ATXN7L1: variants seen among roughly 807,000 people sequenced by gnomAD.
The protein encoded by ATXN7L1 is ataxin 7 like 1, also known as ataxin-7-like protein 1.
ATXN7L1 carries 15 observed loss-of-function variants against 70.8 expected under a neutral mutation model. The ratio of observed to expected loss-of-function variants is 0.21; its 90% CI spans 0.14 to 0.33. The LOEUF (loss-of-function observed/expected upper bound fraction) is 0.33, where lower values mean the gene tolerates loss of function less well. ATXN7L1 is among the 10% of genes least tolerant of loss of function. The probability of loss-of-function intolerance (pLI) is 1.00; values close to 1 mark genes in which losing one functional copy is unlikely to be tolerated. For synonymous variants in ATXN7L1, 440 were observed against 445.1 expected, an observed-to-expected ratio of 0.99 and a Z score of 0.14; for missense variants, 975 against 1,097.1, an observed-to-expected ratio of 0.89 and a Z score of 1.57.
chr7:105,638,757 T>C (rs1797731995), intron 6 of ATXN7L1, 148 bp from the exon 7 acceptor site: 1 of 1,077,946 alleles, frequency 9.3e-7, no homozygotes, highest in Admixed American at 2.9e-5. Context: ...GTTCTGTGGC[T>C]AGGAAGAGGC....
At chr7:105,751,234 G>A (rs1364863119) in intron 3 of ATXN7L1, among the ~76,000 whole-genome samples, 5 of 152,088 alleles carry the variant, frequency 3.3e-5, no homozygotes, top group Admixed American at 6.5e-5. Flanking sequence ...AGGGAGGTGG[G>A]AGTGTTATAA....
intron 3 of ATXN7L1, among the ~76,000 whole-genome samples, chr7:105,706,275 CCT>C (rs1374725437): frequency 7.1e-6 from 1 of 139,872 alleles, no homozygotes; most frequent in South Asian, 2.3e-4. Flanking sequence ...CCCACTGCAA[CCT>C]CTGCCTCCCG....
At chr7:105,715,978 C>T (rs1404999078) in intron 3 of ATXN7L1, among the ~76,000 whole-genome samples, 4 of 152,016 alleles carry the variant, frequency 2.6e-5, no homozygotes, top group African/African-American at 7.2e-5. Flanking sequence ...AAAAGGAACC[C>T]CTACCCTCCA....
chr7:105,611,174 C>T (rs1165193987), intron 10 of ATXN7L1, among the ~76,000 whole-genome samples: 2 of 152,204 alleles, frequency 1.3e-5, no homozygotes, highest in Admixed American at 6.5e-5. Flanking sequence ...GACAGGAACG[C>T]TATGCATGCG....
At chr7:105,819,735 C>T (rs975852988) in intron 2 of ATXN7L1, 4 of 784,486 alleles carry the variant, frequency 5.1e-6, no homozygotes, top group Non-Finnish European at 9.0e-6. Flanking sequence ...CACCTTCCGG[C>T]TGACCTCGAG....
chr7:105,833,486 G>A (rs573371264), intron 2 of ATXN7L1, among the ~76,000 whole-genome samples: 22 of 152,304 alleles, frequency 1.4e-4, no homozygotes, highest in African/African-American at 4.8e-4. Context: ...AGAATACAGC[G>A]AAGAAAATAA....
At chr7:105,786,920 G>C (rs1399952457) in intron 3 of ATXN7L1, among the ~76,000 whole-genome samples, 1 of 152,220 alleles carries the variant, frequency 6.6e-6, no homozygotes, top group African/African-American at 2.4e-5. Context: ...TATTCAGGAT[G>C]ATGTAGCCTC....
In ATXN7L1 at chr7:105,819,608, G is replaced by A; in HGVS notation, c.251-30900C>T. The A allele has an allele frequency of 2.3e-5, 21 of 901,276 alleles. 1 individual carries two copies. In the South Asian group the frequency reaches 2.5e-4, roughly 11 times the overall value. 55.8% of individuals were successfully genotyped at this position (901,276 alleles called of 1,614,324 possible). A position where few individuals can be genotyped will look rare whatever the true frequency, so the allele number is the denominator to read the frequency against. ...GGAAGGTGGAGGTCGTACGCTGTGAGGGCATCATCATTTCTGGCCATTTCT... is the reference window on the plus strand; with the variant it reads ...GGAAGGTGGAGGTCGTACGCTGTGAAGGCATCATCATTTCTGGCCATTTCT... On this transcript the variant is annotated intron_variant, in intron 2 of 11. Coordinates refer to ENST00000419735, the MANE Select transcript of ATXN7L1 (RefSeq NM_020725.2).
chr7:105,857,734 A>G (rs1053612013), intron 2 of ATXN7L1, among the ~76,000 whole-genome samples: 1 of 152,232 alleles, frequency 6.6e-6, no homozygotes, highest in Non-Finnish European at 1.5e-5. Context: ...CTCATGCTCT[A>G]CCAAGATTGG....
intron 4 of ATXN7L1, among the ~76,000 whole-genome samples, chr7:105,657,702 CAAAAA>C (rs71155465): frequency 7.7e-5 from 2 of 26,108 alleles, no homozygotes; most frequent in African/African-American, 1.7e-4. Context: ...GACCCTGTCT[CAAAAA>C]AAAAAAAAAA....
intron 6 of ATXN7L1, among the ~76,000 whole-genome samples, 196 bp from the exon 7 acceptor site, chr7:105,638,805 G>T (rs944476833): frequency 2.8e-4 from 43 of 152,238 alleles, no homozygotes; most frequent in African/African-American, 1.0e-3. Context: ...TACACTCCTG[G>T]TGTTAAGAAG....
At chr7:105,699,817 C>T (rs377559676) in intron 3 of ATXN7L1, among the ~76,000 whole-genome samples, 18 of 152,300 alleles carry the variant, frequency 1.2e-4, no homozygotes, top group South Asian at 2.1e-4. Flanking sequence ...TCAGCTTCCC[C>T]GCTTTCTGGC....
chr7:105,873,172 A>G (rs1040160300), intron 2 of ATXN7L1, among the ~76,000 whole-genome samples: 2 of 152,030 alleles, frequency 1.3e-5, no homozygotes, highest in African/African-American at 4.8e-5. Flanking sequence ...AAAACAAAAC[A>G]AAACAAAACA....
At chr7:105,690,805 T>C (rs1790692691) in intron 3 of ATXN7L1, among the ~76,000 whole-genome samples, 1 of 152,182 alleles carries the variant, frequency 6.6e-6, no homozygotes, top group Non-Finnish European at 1.5e-5. Context: ...AGCACGGCAA[T>C]TTTTAGCCAA....
chr7:105,795,396 T>C (rs796728090), intron 2 of ATXN7L1, among the ~76,000 whole-genome samples: 2 of 152,192 alleles, frequency 1.3e-5, no homozygotes, highest in African/African-American at 4.8e-5. Flanking sequence ...TGGTTACAGT[T>C]AAGGAAAAGG....
rs1462125950 is a variant in ATXN7L1 at position 105,727,777 on chromosome 7, T to TATATATACAC, written c.355+60826_355+60827insGTGTATATAT. Among the ~76,000 whole-genome samples, 229 of 90,154 alleles carry TATATATACAC rather than the reference T, an allele frequency of 2.5e-3. 2 individuals are homozygous for TATATATACAC. The highest frequency in any genetic ancestry group is 3.3e-3 in the Non-Finnish European group (167 of 51,006). The allele number at this position is 90,154 out of a possible 152,430, so 59.1% of individuals were successfully genotyped here. On this transcript the variant is annotated intron_variant, in intron 3 of 11. Coordinates refer to ENST00000419735, the MANE Select transcript of ATXN7L1 (RefSeq NM_020725.2). ...ATATATATATATATATATATATATA[T>TATATATACAC]ACACACACATACACACATATATATA...
At chr7:105,617,316 A>T (rs1277146496) in intron 9 of ATXN7L1, among the ~76,000 whole-genome samples, 1 of 152,146 alleles carries the variant, frequency 6.6e-6, no homozygotes, top group Non-Finnish European at 1.5e-5. Context: ...GAGCCACTGC[A>T]CCCGGCCTGA....
chr7:105,659,743 A>C (rs975846419), intron 4 of ATXN7L1, among the ~76,000 whole-genome samples: 2 of 151,994 alleles, frequency 1.3e-5, no homozygotes, highest in Middle Eastern at 3.4e-3. Flanking sequence ...TTCTCACACC[A>C]TATACCTCCC....
chr7:105,767,636 GTACTAT>G (rs1482903243), intron 3 of ATXN7L1, among the ~76,000 whole-genome samples: 1 of 152,172 alleles, frequency 6.6e-6, no homozygotes, highest in Non-Finnish European at 1.5e-5. Context: ...TCTGAGACAG[GTACTAT>G]TATTACCCCC....
Sources: allele counts gnomAD v4.1 joint callset (sites outside exome capture counted in the v4.1 genomes callset), GRCh38; gene constraint gnomAD v4.1.1; transcripts MANE v1.5; gene names NCBI Gene and HGNC (gene_info 2026-07-23, HGNC 2026-07-21).